The following RERE variants were observed in gnomAD, a reference collection of about 807,000 sequenced individuals.
RERE encodes the protein arginine-glutamic acid dipeptide repeats, also known as arginine-glutamic acid dipeptide repeats protein.
RERE carries 40 observed loss-of-function variants against 146.1 expected under a neutral mutation model. The ratio of observed to expected loss-of-function variants is 0.27; its 90% CI spans 0.21 to 0.36. RERE has a LOEUF of 0.36. Among genes scored for constraint, RERE ranks in the 10% least tolerant of loss-of-function variants. The pLI is 1.00. For synonymous variants in RERE, 1,003 were observed against 866.0 expected (o/e 1.16, Z -2.78); for missense variants, 1,933 against 2,138.7 (o/e 0.90, Z 1.90).
intron 10 of RERE, among the ~76,000 whole-genome samples, chr1:8,489,868 G>C (rs1316359603): frequency 6.6e-6 from 1 of 151,838 alleles, no homozygotes; most frequent in Non-Finnish European, 1.5e-5. Context: ...GGCTAACACA[G>C]TGAAACCCCA....
chr1:8,675,553 G>A (rs1638816799), intron 1 of RERE, among the ~76,000 whole-genome samples: 1 of 151,472 alleles, frequency 6.6e-6, no homozygotes, highest in South Asian at 2.1e-4. Context: ...AAGCACCTGT[G>A]GTTCCAGCTA....
At chr1:8,728,506 A>G (rs1640016622) in intron 1 of RERE, among the ~76,000 whole-genome samples, 1 of 152,116 alleles carries the variant, frequency 6.6e-6, no homozygotes, top group Non-Finnish European at 1.5e-5. Flanking sequence ...AGAGCGAAAA[A>G]GTCTATATTC....
At chr1:8,599,560 G>A (rs1321840495) in intron 4 of RERE, among the ~76,000 whole-genome samples, 1 of 152,168 alleles carries the variant, frequency 6.6e-6, no homozygotes, top group Non-Finnish European at 1.5e-5. Context: ...AATCTATTCA[G>A]GAGCACTGTA....
intron 11 of RERE, among the ~76,000 whole-genome samples, chr1:8,462,674 G>A (rs1164169676): frequency 6.6e-6 from 1 of 152,176 alleles, no homozygotes; most frequent in African/African-American, 2.4e-5. Flanking sequence ...AGGGAAACCC[G>A]TTCATCAAGA....
chr1:8,640,546 G>GGGTT (rs1457986034), intron 2 of RERE, among the ~76,000 whole-genome samples: 1 of 152,122 alleles, frequency 6.6e-6, no homozygotes, highest in Non-Finnish European at 1.5e-5. Flanking sequence ...ACACATTTAG[G>GGGTT]GGTTAAATGA....
chr1:8,758,833 A>G (rs543806603), intron 1 of RERE, among the ~76,000 whole-genome samples: 1 of 152,090 alleles, frequency 6.6e-6, no homozygotes, highest in Non-Finnish European at 1.5e-5. Flanking sequence ...AATTGCAAAG[A>G]AGAATTTAAG....
At chr1:8,424,648 C>G (rs1052241775) in intron 11 of RERE, 1 of 152,110 alleles carries the variant, frequency 6.6e-6, no homozygotes, top group African/African-American at 2.4e-5. Flanking sequence ...AGAGACGGCA[C>G]GGAAAGATGG....
intron 7 of RERE, among the ~76,000 whole-genome samples, chr1:8,522,628 T>G (rs1278307538): frequency 2.0e-5 from 3 of 152,030 alleles, no homozygotes; most frequent in African/African-American, 7.2e-5. Flanking sequence ...TCCCAGCACT[T>G]TGGGAGGCTG....
intron 12 of RERE, among the ~76,000 whole-genome samples, chr1:8,398,903 C>T (rs1186327393): frequency 6.6e-6 from 1 of 152,198 alleles, no homozygotes; most frequent in Non-Finnish European, 1.5e-5. Context: ...ACCTGCTTTT[C>T]AACAACCTCA....
Position 8,360,224 on chromosome 1 carries a change from C to A in RERE, c.3283G>T (p.Glu1095Ter). ...SCPLPTVQIK[E>*]EALDDAEEPE... is the part of the protein sequence containing the mutation. ...TCCTCAGCGTCGTCCAGAGCCTCCT[C>A]CTTGATCTGGACGGTGGGGAGTGGG... Residue 1095 changes from glutamate (E) to a stop codon, truncating the protein, a stop_gained, in exon 18 of 23, where the codon GAG becomes TAG. Transcript: ENST00000400908. LOFTEE classifies it high-confidence loss of function. 1 of 1,588,736 alleles carries A rather than the reference C, an allele frequency of 6.3e-7. No homozygotes were observed. Among genetic ancestry groups the A allele is most frequent in the Non-Finnish European group, 8.6e-7 (1 of 1,168,632 alleles).
Position 8,364,317 on chromosome 1 carries a change from G to A in RERE, c.1541-62C>T, listed in dbSNP as rs1641713428. ...CCATCCCTCTCCCTGGGGATGTCTG[G>A]GCAGAGGGGCCCTTCTGTGGGCTCT... On this transcript the variant is annotated intron_variant, in intron 14 of 22. Coordinates refer to ENST00000400908, the MANE Select transcript of RERE (RefSeq NM_001042681.2). This position sits in a 1 kb window ranked among gnomAD's most constrained non-coding sequence, Gnocchi z 5.1. The A allele has an allele frequency of 2.0e-6, 3 of 1,469,240 alleles. No homozygotes were observed. Among genetic ancestry groups the A allele is most frequent in the Middle Eastern group, 1.8e-4 (1 of 5,708 alleles). The allele number at this position is 1,469,240 out of a possible 1,614,324, so 91.0% of individuals were successfully genotyped here. A position where few individuals can be genotyped will look rare whatever the true frequency, so the allele number is the denominator to read the frequency against.
At chr1:8,638,922 C>T (rs1250466928) in intron 2 of RERE, among the ~76,000 whole-genome samples, 2 of 151,344 alleles carry the variant, frequency 1.3e-5, no homozygotes, top group Admixed American at 6.6e-5. Flanking sequence ...TACAGGCACC[C>T]GCCAACACGC....
chr1:8,717,182 CATTT>C (rs1639781510), intron 1 of RERE, among the ~76,000 whole-genome samples: 3 of 152,144 alleles, frequency 2.0e-5, no homozygotes, highest in Admixed American at 1.3e-4. Flanking sequence ...GCATTTTACC[CATTT>C]GTTTATTCAC....
At chr1:8,466,120 A>G (rs1373179816) in intron 10 of RERE, 97 bp from the exon 11 acceptor site, 3 of 1,025,114 alleles carry the variant, frequency 2.9e-6, no homozygotes, top group East Asian at 5.1e-5. Context: ...CTCCCACAGA[A>G]GAGTCAGGAA....
intron 11 of RERE, among the ~76,000 whole-genome samples, chr1:8,454,575 G>A (rs1204552772): frequency 1.3e-5 from 2 of 152,108 alleles, no homozygotes; most frequent in Admixed American, 1.3e-4. Flanking sequence ...GGGAGGCCGA[G>A]GCAGGTGGAT....
chr1:8,445,087 T>C (rs1644300789), intron 11 of RERE, among the ~76,000 whole-genome samples: 1 of 152,220 alleles, frequency 6.6e-6, no homozygotes, highest in South Asian at 2.1e-4. Flanking sequence ...GGAGTGGGTA[T>C]GCGCTTTCAG....
intron 6 of RERE, among the ~76,000 whole-genome samples, chr1:8,545,616 CATTATT>C (rs567284006): frequency 6.6e-6 from 1 of 150,826 alleles, no homozygotes; most frequent in Non-Finnish European, 1.5e-5. Context: ...CTATTATTAT[CATTATT>C]AAGATGGAGT....
chr1:8,402,012 A>G (rs1202984243), intron 12 of RERE, among the ~76,000 whole-genome samples: 1 of 152,246 alleles, frequency 6.6e-6, no homozygotes, highest in East Asian at 1.9e-4. Flanking sequence ...CTGGGGCTAC[A>G]GGCGTGCGCC....
chr1:8,660,539 A>C (rs1570577270), intron 1 of RERE, among the ~76,000 whole-genome samples: 2 of 152,340 alleles, frequency 1.3e-5, no homozygotes, highest in East Asian at 1.9e-4. Context: ...GCACAAGGCC[A>C]CGCAGCCAAT....
Sources: allele counts gnomAD v4.1 joint callset (sites outside exome capture counted in the v4.1 genomes callset), GRCh38; gene constraint gnomAD v4.1.1; non-coding constraint Gnocchi (gnomAD v3.1); transcripts MANE v1.5; gene names NCBI Gene and HGNC (gene_info 2026-07-23, HGNC 2026-07-21).